DLGAP4: variants seen among roughly 807,000 people sequenced by gnomAD.
DLGAP4 encodes DLG associated protein 4, also known as disks large-associated protein 4.
In DLGAP4, 18 loss-of-function variants were observed where a neutral mutation model predicts 86.9. That is an observed-to-expected ratio of 0.21 (90% CI 0.14 to 0.31). The LOEUF is 0.31. DLGAP4 is among the 10% of genes least tolerant of loss of function. The pLI, the probability that DLGAP4 is intolerant of heterozygous loss-of-function variation, is 1.00. For missense variants in DLGAP4, 1,085 were observed against 1,362.6 expected (o/e 0.80, Z 3.21); for synonymous variants, 548 against 574.3 (o/e 0.95, Z 0.65).
chr20:36,389,659 T>A (rs2031721176), intron 2 of DLGAP4, among the ~76,000 whole-genome samples: 1 of 151,744 alleles, frequency 6.6e-6, no homozygotes, highest in Admixed American at 6.6e-5. Context: ...GTAAGAAAAA[T>A]AAATAAGAGA....
At chr20:36,423,080 C>T (rs1414546620) in intron 2 of DLGAP4, among the ~76,000 whole-genome samples, 1 of 152,126 alleles carries the variant, frequency 6.6e-6, no homozygotes, top group Non-Finnish European at 1.5e-5. Context: ...CTCATTCAAG[C>T]CCCCCATTGC....
intron 7 of DLGAP4, among the ~76,000 whole-genome samples, chr20:36,452,324 A>G (rs1284846433): frequency 3.9e-5 from 6 of 152,038 alleles, no homozygotes; most frequent in African/African-American, 1.2e-4. Context: ...GACCAGAGTC[A>G]TGCAGTACCA....
At chr20:36,307,377 G>A (rs2065014087) in intron 1 of DLGAP4, among the ~76,000 whole-genome samples, 2 of 152,074 alleles carry the variant, frequency 1.3e-5, no homozygotes, top group South Asian at 4.2e-4. Context: ...GTCTCTTTTG[G>A]CCGAACCTGC....
Position 36,431,814 on chromosome 20 carries a change from C to T in DLGAP4, c.97C>T (p.Leu33=). ...LFAGTDRNPY[L]LSPTEAFARE... is the part of the protein sequence containing the mutation. Reference sequence around the variant, plus strand: ...TGCAGGGACCGACCGCAACCCCTACCTGCTGTCGCCCACGGAGGCCTTCGC... The same window carrying T: ...TGCAGGGACCGACCGCAACCCCTACTTGCTGTCGCCCACGGAGGCCTTCGC... The change falls in exon 3 of 13, where the codon CTG becomes TTG. Residue 33 remains leucine, a synonymous_variant. Transcript: ENST00000339266. The surrounding 1 kb of genome is among the most constrained non-coding windows in gnomAD (Gnocchi z 5.1). 2 of 1,613,904 alleles carry T rather than the reference C, an allele frequency of 1.2e-6. No homozygotes were observed. Among genetic ancestry groups the T allele is most frequent in the South Asian group, 1.1e-5 (1 of 91,078 alleles).
intron 1 of DLGAP4, among the ~76,000 whole-genome samples, chr20:36,329,767 T>C (rs2065249525): frequency 6.6e-6 from 1 of 151,780 alleles, no homozygotes; most frequent in African/African-American, 2.4e-5. Context: ...GTGCGATGGC[T>C]CACGCCTGTA....
chr20:36,439,398 A>T, intron 4 of DLGAP4, among the ~76,000 whole-genome samples: 1 of 152,186 alleles, frequency 6.6e-6, no homozygotes, highest in Non-Finnish European at 1.5e-5. Context: ...GATGTAAGAA[A>T]GATTGAAGGG....
At chr20:36,524,414 C>T (rs919913874) in intron 11 of DLGAP4, 73 bp downstream of exon 11, 9 of 1,337,960 alleles carry the variant, frequency 6.7e-6, no homozygotes, top group African/African-American at 2.9e-5. Context: ...GCCAGCCCCT[C>T]GAAGCCTCTG....
At chr20:36,515,321 T>C (rs1191750206) in intron 10 of DLGAP4, among the ~76,000 whole-genome samples, 1 of 152,248 alleles carries the variant, frequency 6.6e-6, no homozygotes, top group Non-Finnish European at 1.5e-5. Flanking sequence ...CTAAGAGTTA[T>C]ATGTATTATG....
rs186813865 is a variant in DLGAP4, at chr20:36,514,345, G to A, written c.2513-9905G>A. Among the ~76,000 whole-genome samples the A allele has an allele frequency of 1.8e-4, 27 of 152,296 alleles. 1 individual carries two copies. The highest frequency in any genetic ancestry group is 1.4e-3 in the Admixed American group (22 of 15,290). On this transcript the variant is annotated intron_variant, in intron 10 of 12. Coordinates refer to ENST00000339266, the MANE Select transcript of DLGAP4 (RefSeq NM_001365621.2). ...GAGAGTAATTGGAGACCACATGCAT[G>A]GATTTTCCTGTACAAGGAAGCAGAG...
At chr20:36,434,576 G>A (rs1480276226) in intron 3 of DLGAP4, among the ~76,000 whole-genome samples, 1 of 152,106 alleles carries the variant, frequency 6.6e-6, no homozygotes, top group Non-Finnish European at 1.5e-5. Context: ...GAGGTGAGTG[G>A]GTGGCTTAGC....
chr20:36,453,668 C>G (rs2033799662), intron 7 of DLGAP4, among the ~76,000 whole-genome samples: 1 of 151,842 alleles, frequency 6.6e-6, no homozygotes, highest in Non-Finnish European at 1.5e-5. Flanking sequence ...CACGGTGGGT[C>G]ACACCTGTAA....
At chr20:36,323,945 A>G (rs1304234716) in intron 1 of DLGAP4, among the ~76,000 whole-genome samples, 1 of 152,242 alleles carries the variant, frequency 6.6e-6, no homozygotes, top group Non-Finnish European at 1.5e-5. Flanking sequence ...CTAACAGGCC[A>G]CAGACTGGTA....
intron 2 of DLGAP4, among the ~76,000 whole-genome samples, chr20:36,410,050 A>C (rs1344209225): frequency 6.6e-6 from 1 of 151,828 alleles, no homozygotes; most frequent in Admixed American, 6.6e-5. Context: ...AAAAAAAAAA[A>C]AGTACTCCTC....
At chr20:36,520,696 C>T (rs752217425) in intron 10 of DLGAP4, among the ~76,000 whole-genome samples, 7 of 151,916 alleles carry the variant, frequency 4.6e-5, no homozygotes, top group Non-Finnish European at 8.8e-5. Context: ...CATTTAATGA[C>T]GTCTAGTTTA....
chr20:36,311,226 C>T (rs1297089076), intron 1 of DLGAP4, among the ~76,000 whole-genome samples: 3 of 135,432 alleles, frequency 2.2e-5, no homozygotes, highest in Admixed American at 7.0e-5. Context: ...CAAGGTCACT[C>T]GGAGGGTGGG....
At chr20:36,524,827 G>C (rs529931717) in intron 11 of DLGAP4, among the ~76,000 whole-genome samples, 1 of 151,922 alleles carries the variant, frequency 6.6e-6, no homozygotes, top group African/African-American at 2.4e-5. Context: ...GCCTGAACCC[G>C]GGAGACAGAG....
At chr20:36,339,335 G>A (rs1236599990) in intron 1 of DLGAP4, among the ~76,000 whole-genome samples, 4 of 151,996 alleles carry the variant, frequency 2.6e-5, no homozygotes, top group African/African-American at 9.7e-5. Flanking sequence ...TGATCCACCC[G>A]CCTCAGCCTC....
At chr20:36,330,686 C>T (rs1371584264) in intron 1 of DLGAP4, among the ~76,000 whole-genome samples, 6 of 151,912 alleles carry the variant, frequency 3.9e-5, no homozygotes, top group Non-Finnish European at 8.8e-5. Context: ...AATTCTCCTG[C>T]CTCAGCCTCC....
At chr20:36,345,791 T>C (rs1044685372) in intron 1 of DLGAP4, among the ~76,000 whole-genome samples, 3 of 152,008 alleles carry the variant, frequency 2.0e-5, no homozygotes, top group Admixed American at 2.0e-4. Flanking sequence ...AGAGTATTGC[T>C]CTGTCACCCA....
Sources: gnomAD v4.1 joint callset for allele counts (sites outside exome capture counted in the v4.1 genomes callset) on GRCh38, gnomAD v4.1.1 for gene constraint, Gnocchi (gnomAD v3.1) non-coding constraint, MANE v1.5 for transcripts, NCBI Gene and HGNC (gene_info 2026-07-23, HGNC 2026-07-21) for gene names.